Variants in MORC3 observed in about 807,000 individuals in gnomAD.
MORC3 encodes the protein MORC family CW-type zinc finger protein 3.
MORC3 carries 31 observed loss-of-function variants against 109.1 expected under a neutral mutation model. The ratio of observed to expected loss-of-function variants is 0.28; its 90% CI spans 0.21 to 0.38. The LOEUF (loss-of-function observed/expected upper bound fraction) is 0.38, where lower values mean the gene tolerates loss of function less well. MORC3 is among the 10% of genes least tolerant of loss of function. MORC3 has a pLI of 1.00. For missense variants in MORC3, 867 were observed against 1,135.8 expected, an observed-to-expected ratio of 0.76 and a Z score of 3.40; for synonymous variants, 395 against 380.7, an observed-to-expected ratio of 1.04 and a Z score of -0.44.
At chr21:36,352,180 A>G (rs1001630364) in intron 9 of MORC3, among the ~76,000 whole-genome samples, 2 of 152,194 alleles carry the variant, frequency 1.3e-5, no homozygotes, top group Non-Finnish European at 1.5e-5. Context: ...ATACATAGAT[A>G]GAGAAAAAGC....
At chr21:36,324,214 G>C (rs1041990103) in intron 1 of MORC3, among the ~76,000 whole-genome samples, 6 of 151,486 alleles carry the variant, frequency 4.0e-5, no homozygotes, top group Non-Finnish European at 5.9e-5. Context: ...CTTAGCTTTT[G>C]AATGTCTTTT....
intron 14 of MORC3, among the ~76,000 whole-genome samples, chr21:36,366,815 G>A: frequency 6.6e-6 from 1 of 152,168 alleles, no homozygotes; most frequent in East Asian, 1.9e-4. Context: ...TGGAAAGGGT[G>A]TATCTAAGTC....
intron 2 of MORC3, 91 bp from the exon 3 acceptor site, chr21:36,336,781 CAT>C (rs1235448253): frequency 1.6e-6 from 2 of 1,252,518 alleles, no homozygotes; most frequent in African/African-American, 3.1e-5. Flanking sequence ...TGTCTTAAAA[CAT>C]AGTCTTCTAT....
intron 16 of MORC3, 92 bp downstream of exon 16, chr21:36,372,623 T>A: frequency 1.5e-6 from 2 of 1,298,876 alleles, no homozygotes; most frequent in Non-Finnish European, 2.0e-6. Flanking sequence ...TAGATACTGT[T>A]CTGTCAAAAG....
chr21:36,371,757 T>C (rs1355673696), intron 15 of MORC3, among the ~76,000 whole-genome samples: 1 of 152,112 alleles, frequency 6.6e-6, no homozygotes, highest in African/African-American at 2.4e-5. Context: ...TAAAAACCAC[T>C]GTGACATTAA....
At chr21:36,372,648 C>A in intron 16 of MORC3, 117 bp downstream of exon 16, 1 of 1,039,886 alleles carries the variant, frequency 9.6e-7, no homozygotes, top group Non-Finnish European at 1.3e-6. Flanking sequence ...TATTGATGGT[C>A]TGCTGTGACC....
At chr21:36,343,859 A>G (rs2835338) in intron 6 of MORC3, among the ~76,000 whole-genome samples, 75,799 of 151,814 alleles carry the variant, frequency 0.5, 19,445 homozygotes, top group Middle Eastern at 0.64. Context: ...CAATTACATT[A>G]TTAGTAATAG....
intron 14 of MORC3, among the ~76,000 whole-genome samples, chr21:36,367,227 G>C (rs1435945587): frequency 1.3e-5 from 2 of 152,164 alleles, no homozygotes; most frequent in Non-Finnish European, 2.9e-5. Flanking sequence ...GGAAAGTTTG[G>C]ATACTGAATG....
intron 3 of MORC3, among the ~76,000 whole-genome samples, 186 bp downstream of exon 3, chr21:36,337,192 C>T (rs1340737616): frequency 1.3e-5 from 2 of 152,160 alleles, no homozygotes; most frequent in Non-Finnish European, 2.9e-5. Context: ...CTGTCATCAC[C>T]TACCCCACCC....
chr21:36,338,220 T>C (rs1266530188), intron 4 of MORC3, among the ~76,000 whole-genome samples: 1 of 152,212 alleles, frequency 6.6e-6, no homozygotes, highest in Non-Finnish European at 1.5e-5. Context: ...AGTAAGACTT[T>C]ATGGTTTGGC....
chr21:36,370,635 A>ATTTTTT (rs1361206395), intron 15 of MORC3, among the ~76,000 whole-genome samples: 11 of 42,000 alleles, frequency 2.6e-4, no homozygotes, highest in Non-Finnish European at 4.5e-4. Context: ...ATATATATAT[A>ATTTTTT]TATATTTTTT....
chr21:36,363,300 G>T (rs2085741465), intron 13 of MORC3, among the ~76,000 whole-genome samples: 1 of 152,098 alleles, frequency 6.6e-6, no homozygotes, highest in South Asian at 2.1e-4. Flanking sequence ...TGTAATTCCA[G>T]CTACTCAGGA....
intron 9 of MORC3, among the ~76,000 whole-genome samples, chr21:36,351,057 C>CTTTTTT (rs748042243): frequency 9.8e-5 from 7 of 71,428 alleles, no homozygotes; most frequent in African/African-American, 1.1e-4. Flanking sequence ...GGTTGTCCTC[C>CTTTTTT]TTTTTTTTTT....
intron 9 of MORC3, among the ~76,000 whole-genome samples, chr21:36,349,738 A>G (rs1340622943): frequency 6.6e-6 from 1 of 152,280 alleles, no homozygotes; most frequent in African/African-American, 2.4e-5. Context: ...AAAGAAGTCA[A>G]TAATTTAAAT....
In MORC3 at chr21:36,375,509, A is replaced by G; in HGVS notation, c.*213A>G. On this transcript the variant is annotated 3_prime_UTR_variant, in exon 17 of 17. Coordinates refer to ENST00000400485, the MANE Select transcript of MORC3 (RefSeq NM_015358.3). ...TGAATTGTTGGCATTGAGCAGCTGA[A>G]GCTAACTCATGACTCTGTTTTGAAT... 6.9e-6 allele frequency: 3 copies of G among 437,114 alleles called. No homozygotes were observed. Among genetic ancestry groups the G allele is most frequent in the Non-Finnish European group, 1.2e-5 (3 of 246,480 alleles). The allele number at this position is 437,114 out of a possible 1,614,324, so 27.1% of individuals were successfully genotyped here. A position where few individuals can be genotyped will look rare whatever the true frequency, so the allele number is the denominator to read the frequency against.
intron 14 of MORC3, 119 bp downstream of exon 14, chr21:36,364,378 C>T: frequency 8.9e-7 from 1 of 1,117,864 alleles, no homozygotes; most frequent in Non-Finnish European, 1.3e-6. Context: ...TTGTAGGTTC[C>T]ATGAATGTGA....
intron 9 of MORC3, among the ~76,000 whole-genome samples, chr21:36,353,992 A>G (rs1048081249): frequency 2.7e-5 from 4 of 150,812 alleles, no homozygotes; most frequent in African/African-American, 9.8e-5. Context: ...AAACACTTGA[A>G]CCCAGGAGGT....
At chr21:36,359,873 T>C in intron 10 of MORC3, 82 bp from the exon 11 acceptor site, 1 of 1,540,284 alleles carries the variant, frequency 6.5e-7, no homozygotes, top group Non-Finnish European at 8.9e-7. Flanking sequence ...TGGCATCTTG[T>C]GGTAGAAATG....
chr21:36,375,457 A>G lies in MORC3; in HGVS notation c.*161A>G, dbSNP rs1211398491. On this transcript the variant is annotated 3_prime_UTR_variant, in exon 17 of 17. Transcript: ENST00000400485. Reference sequence around the variant, plus strand: ...AAATGTGGTCACAAATATTGTGGACACATTATCTTATGTTTTGAAATACCT... The same window carrying G: ...AAATGTGGTCACAAATATTGTGGACGCATTATCTTATGTTTTGAAATACCT... The G allele has an allele frequency of 4.9e-6, 3 of 606,260 alleles. No individual in the cohort carries two copies. Among genetic ancestry groups the G allele is most frequent in the South Asian group, 4.8e-5 (2 of 41,624 alleles). The allele number at this position is 606,260 out of a possible 1,614,324, so 37.6% of individuals were successfully genotyped here.
Sources: allele counts gnomAD v4.1 joint callset (sites outside exome capture counted in the v4.1 genomes callset), GRCh38; gene constraint gnomAD v4.1.1; transcripts MANE v1.5; gene names NCBI Gene and HGNC (gene_info 2026-07-23, HGNC 2026-07-21).